Variants in PSMA1 observed in about 807,000 individuals in gnomAD.
PSMA1 encodes proteasome 20S subunit alpha 1, also known as proteasome subunit alpha type-1.
In PSMA1, 3 loss-of-function variants were observed where a neutral mutation model predicts 38.4. The observed-to-expected ratio is 0.08, with a 90% CI of 0.04 to 0.20. The LOEUF (loss-of-function observed/expected upper bound fraction) is 0.20, where lower values mean the gene tolerates loss of function less well. Ranked by LOEUF, PSMA1 falls within the 10% of genes least tolerant of loss-of-function variation. PSMA1 has a pLI of 1.00. For missense variants in PSMA1, 227 were observed against 325.3 expected, an observed-to-expected ratio of 0.70 and a Z score of 2.32; for synonymous variants, 101 against 107.1, an observed-to-expected ratio of 0.94 and a Z score of 0.35.
At chr11:14,637,229 T>C (rs1853121825) in intron 1 of PSMA1, among the ~76,000 whole-genome samples, 1 of 152,198 alleles carries the variant, frequency 6.6e-6, no homozygotes, top group African/African-American at 2.4e-5. Context: ...CCATGATGTC[T>C]CATGCCTCCA....
chr11:14,630,266 G>T (rs1297107362), intron 1 of PSMA1, among the ~76,000 whole-genome samples: 1 of 152,122 alleles, frequency 6.6e-6, no homozygotes, highest in African/African-American at 2.4e-5. Context: ...AATGCTTCCA[G>T]TTTTTGCCCA....
At chr11:14,566,860 C>T (rs1852078443) in intron 2 of PSMA1, among the ~76,000 whole-genome samples, 1 of 152,070 alleles carries the variant, frequency 6.6e-6, no homozygotes, top group Non-Finnish European at 1.5e-5. Flanking sequence ...CAAATCAAAC[C>T]CTCAGGAGAG....
intron 2 of PSMA1, among the ~76,000 whole-genome samples, chr11:14,595,614 T>C (rs559573556): frequency 1.2e-4 from 19 of 152,322 alleles, no homozygotes; most frequent in African/African-American, 4.3e-4. Context: ...TGTAAATTTG[T>C]TTGAGTTCTT....
chr11:14,604,360 C>G (rs1852618031), intron 2 of PSMA1, among the ~76,000 whole-genome samples: 1 of 152,146 alleles, frequency 6.6e-6, no homozygotes, highest in Admixed American at 6.6e-5. Context: ...CTGTGCCCAG[C>G]CTAATTCTAC....
intron 2 of PSMA1, among the ~76,000 whole-genome samples, chr11:14,597,987 T>A (rs1162783761): frequency 6.6e-6 from 1 of 152,218 alleles, no homozygotes; most frequent in African/African-American, 2.4e-5. Flanking sequence ...TCTTTATTTT[T>A]GCCTTCATTT....
At chr11:14,560,718 TAA>T (rs1851998720) in intron 2 of PSMA1, among the ~76,000 whole-genome samples, 1 of 152,218 alleles carries the variant, frequency 6.6e-6, no homozygotes, top group Non-Finnish European at 1.5e-5. Flanking sequence ...CATGCCCATA[TAA>T]TGATGGTAGA....
chr11:14,511,153 G>C, intron 7 of PSMA1: 1 of 361,856 alleles, frequency 2.8e-6, no homozygotes. Flanking sequence ...TTTAATGAGA[G>C]GACTCATGAT....
chr11:14,577,769 C>G (rs905715914), intron 2 of PSMA1, among the ~76,000 whole-genome samples: 2 of 152,044 alleles, frequency 1.3e-5, no homozygotes, highest in African/African-American at 2.4e-5. Flanking sequence ...AGAATTTGAA[C>G]CCAGACAGTC....
intron 2 of PSMA1, among the ~76,000 whole-genome samples, chr11:14,552,864 C>A (rs1319965207): frequency 1.4e-5 from 2 of 146,028 alleles, no homozygotes; most frequent in Non-Finnish European, 3.0e-5. Context: ...GGCTTTATCA[C>A]CCAGGCTGGA....
chr11:14,595,617 G>C (rs2134190713), intron 2 of PSMA1, among the ~76,000 whole-genome samples: 1 of 152,144 alleles, frequency 6.6e-6, no homozygotes, highest in Middle Eastern at 3.4e-3. Flanking sequence ...AAATTTGTTT[G>C]AGTTCTTTGT....
intron 1 of PSMA1, among the ~76,000 whole-genome samples, chr11:14,642,648 T>C (rs1348635818): frequency 1.3e-5 from 2 of 152,208 alleles, no homozygotes; most frequent in East Asian, 1.9e-4. Flanking sequence ...ATTAGCTCTT[T>C]GAGAAATGCA....
At chr11:14,549,147 C>T (rs2134167842) in intron 2 of PSMA1, among the ~76,000 whole-genome samples, 1 of 151,950 alleles carries the variant, frequency 6.6e-6, no homozygotes, top group East Asian at 1.9e-4. Flanking sequence ...ATGAAATGTG[C>T]TTATAGGTTG....
intron 1 of PSMA1, among the ~76,000 whole-genome samples, chr11:14,621,137 A>G (rs1223923668): frequency 6.6e-6 from 1 of 152,188 alleles, no homozygotes; most frequent in Non-Finnish European, 1.5e-5. Flanking sequence ...CATTTAGGTA[A>G]TGGAAAACAC....
At chr11:14,536,681 G>C (rs1314668611) in intron 2 of PSMA1, among the ~76,000 whole-genome samples, 1 of 151,824 alleles carries the variant, frequency 6.6e-6, no homozygotes, top group Non-Finnish European at 1.5e-5. Flanking sequence ...GCACGATCTC[G>C]GCTTATCGCA....
At position 14,534,061 on chromosome 11, in the gene PSMA1, A is replaced by T. The variant is rs1851677747; in HGVS notation, c.22-15020T>A. ...CCGGGCATGGAGGTGCATGTCTGTA[A>T]CCCCAGCTACTTGGGAAGCTGAGGC... On this transcript the variant is annotated intron_variant, in intron 2 of 10. Coordinates refer to the PSMA1 transcript ENST00000418988. The surrounding 1 kb of genome is among the most constrained non-coding windows in gnomAD (Gnocchi z 4.5). Among the ~76,000 whole-genome samples, 1 of 151,996 alleles carries T rather than the reference A, an allele frequency of 6.6e-6. No individual in the cohort carries two copies.
intron 2 of PSMA1, among the ~76,000 whole-genome samples, chr11:14,590,126 T>C (rs1852393355): frequency 6.6e-6 from 1 of 152,212 alleles, no homozygotes; most frequent in Non-Finnish European, 1.5e-5. Flanking sequence ...TCTACTCATA[T>C]GAGGTACCTA....
chr11:14,538,208 T>C (rs1011446223), intron 2 of PSMA1, among the ~76,000 whole-genome samples: 2 of 152,224 alleles, frequency 1.3e-5, no homozygotes, highest in Non-Finnish European at 2.9e-5. Flanking sequence ...TTTCTAAGTA[T>C]GTTTAATTGT....
upstream of PSMA1, chr11:14,520,707 A>T (rs1851515230): frequency 3.7e-6 from 1 of 268,042 alleles, no homozygotes; most frequent in Non-Finnish European, 7.3e-6. Context: ...AGCTCTCATT[A>T]ACCGTCCACA....
rs191188462 is a variant in PSMA1 at position 14,518,684 on chromosome 11, C to T, written c.48+313G>A. On this transcript the variant is annotated intron_variant, in intron 2 of 9. Coordinates refer to ENST00000396394, the MANE Select transcript of PSMA1 (RefSeq NM_002786.4). Reference sequence around the variant, plus strand: ...TGCTACTTTGTATCTCCTCTTTTTTCCTCCCCACTGCCACCCCCTACCCTG... The same window carrying T: ...TGCTACTTTGTATCTCCTCTTTTTTTCTCCCCACTGCCACCCCCTACCCTG... 1.2e-4 allele frequency among the ~76,000 whole-genome samples: 18 copies of T among 151,882 alleles called. No homozygotes were observed. In the East Asian group the frequency reaches 3.3e-3, roughly 28 times the overall value.
Sources: gnomAD v4.1 joint callset for allele counts (sites outside exome capture counted in the v4.1 genomes callset) on GRCh38, gnomAD v4.1.1 for gene constraint, Gnocchi (gnomAD v3.1) non-coding constraint, MANE v1.5 for transcripts, NCBI Gene and HGNC (gene_info 2026-07-23, HGNC 2026-07-21) for gene names.